LAMB1: variants seen among roughly 807,000 people sequenced by gnomAD.
The protein encoded by LAMB1 is laminin subunit beta-1.
Under a neutral mutation model 222.3 loss-of-function variants are expected in LAMB1, and 121 were observed. That is an observed-to-expected ratio of 0.54 (90% CI 0.47 to 0.63). LAMB1 has a LOEUF of 0.63. LAMB1 is among the 30% of genes least tolerant of loss of function. LAMB1 has a pLI of 0.00. For synonymous variants in LAMB1, 794 were observed against 807.2 expected, an observed-to-expected ratio of 0.98 and a Z score of 0.28; for missense variants, 2,172 against 2,240.8, an observed-to-expected ratio of 0.97 and a Z score of 0.62.
chr7:107,994,929 C>T lies in LAMB1; in HGVS notation c.381G>A (p.Leu127=), dbSNP rs148497999. The change falls in exon 5 of 34, where the codon TTG becomes TTA. Residue 127 remains leucine, a synonymous_variant. Transcript: ENST00000222399. ...GVENVTIQLD[L]EAEFHFTHLI... Reference sequence around the variant, plus strand: ...GATGAGTAAAATGGAATTCTGCTTCCAAATCCAGTTGGATAGTTACATTTT... The same window carrying T: ...GATGAGTAAAATGGAATTCTGCTTCTAAATCCAGTTGGATAGTTACATTTT... 2.5e-6 allele frequency: 4 copies of T among 1,602,850 alleles called. No homozygotes were observed. The African/African-American group carries it at 5.4e-5, about 21-fold the overall frequency.
In LAMB1 at chr7:107,998,625, G is replaced by C. The variant is rs958026326; in HGVS notation, c.214-133C>G. The C allele has an allele frequency of 5.8e-6, 4 of 694,388 alleles. No homozygotes were observed. In the African/African-American group the frequency reaches 7.2e-5, roughly 13 times the overall value. The allele number at this position is 694,388 out of a possible 1,614,324, so 43.0% of individuals were successfully genotyped here. On this transcript the variant is annotated intron_variant, in intron 3 of 33. Transcript: ENST00000222399. ...CAAGAAAAATAATTGTGTGAAAATT[G>C]CTTAGGAGATTTGTATCACATCTTT...
chr7:107,927,638 A>G (rs1473732720), intron 31 of LAMB1, among the ~76,000 whole-genome samples: 1 of 152,218 alleles, frequency 6.6e-6, no homozygotes, highest in Non-Finnish European at 1.5e-5. Context: ...TAATTTCTAC[A>G]GTCACTGACA....
At chr7:107,993,075 C>T (rs1349143868) in intron 5 of LAMB1, among the ~76,000 whole-genome samples, 4 of 152,186 alleles carry the variant, frequency 2.6e-5, no homozygotes, top group Non-Finnish European at 4.4e-5. Flanking sequence ...TGTTGCTTTT[C>T]TCACTGGAGC....
rs1584522139 is a variant in LAMB1, at chr7:107,975,364, G to A, written c.1239C>T (p.Ser413=). Residue 413 remains serine, a synonymous_variant, in exon 11 of 34, where the codon AGC becomes AGT. Transcript: ENST00000222399. ...AGSQNEGICD[S]YTDFSTGLIA... ...TGAGACCAGTAGAAAAATCAGTATA[G>A]CTGTCACAAATTCCCTCATTTTGAG... 6.2e-7 allele frequency: 1 copy of A among 1,613,778 alleles called. No individual in the cohort carries two copies. The highest frequency in any genetic ancestry group is 1.7e-5 in the Admixed American group (1 of 59,954).
intron 2 of LAMB1, chr7:108,001,936 A>G: frequency 6.9e-7 from 1 of 1,456,280 alleles, no homozygotes; most frequent in Admixed American, 2.7e-5. Context: ...AGGACACGGA[A>G]AGAAACCCAC....
At chr7:107,997,477 C>T (rs6951095) in intron 4 of LAMB1, among the ~76,000 whole-genome samples, 1,851 of 152,152 alleles carry the variant, frequency 0.012, 33 homozygotes, top group East Asian at 0.04. Context: ...CTATTAAGGG[C>T]GTTTGTCTTT....
At chr7:107,953,192 A>G (rs532637295) in intron 22 of LAMB1, among the ~76,000 whole-genome samples, 1 of 152,188 alleles carries the variant, frequency 6.6e-6, no homozygotes, top group Non-Finnish European at 1.5e-5. Flanking sequence ...CCCCGTCTCT[A>G]TTAAAAATAC....
chr7:107,926,089 C>G (rs569318370), intron 32 of LAMB1, 94 bp downstream of exon 32: 2 of 880,184 alleles, frequency 2.3e-6, no homozygotes, highest in Non-Finnish European at 3.6e-6. Context: ...AATTCTGTTT[C>G]TGTTAGGTCC....
chr7:107,983,422 A>C (rs74749142), intron 7 of LAMB1, among the ~76,000 whole-genome samples: 4,560 of 152,184 alleles, frequency 0.03, 102 homozygotes, highest in South Asian at 0.075. Flanking sequence ...CCTGTGCAAA[A>C]CCCAAACCAA....
rs116517103 is a variant in LAMB1 at position 107,998,594 on chromosome 7, T to G, written c.214-102A>C. The stretch of plus-strand genomic sequence containing the variant: ...GCTCCTAATACAAAAATCAACCTAT[T>G]AGCTTCAAGAAAAATAATTGTGTGA... On this transcript the variant is annotated intron_variant, in intron 3 of 33. Coordinates refer to ENST00000222399, the MANE Select transcript of LAMB1 (RefSeq NM_002291.3). The G allele has an allele frequency of 2.1e-4, 199 of 934,746 alleles. 1 individual carries two copies. In the African/African-American group the frequency reaches 3.1e-3, roughly 15 times the overall value. 57.9% of individuals were successfully genotyped at this position (934,746 alleles called of 1,614,324 possible). A position where few individuals can be genotyped will look rare whatever the true frequency, so the allele number is the denominator to read the frequency against.
chr7:107,923,895 T>G lies in LAMB1; in HGVS notation c.*56A>C. 6.7e-7 allele frequency: 1 copy of G among 1,497,612 alleles called. No homozygotes were observed. Among genetic ancestry groups the G allele is most frequent in the Non-Finnish European group, 9.1e-7 (1 of 1,104,582 alleles). The allele number at this position is 1,497,612 out of a possible 1,614,324, so 92.8% of individuals were successfully genotyped here. Reference sequence around the variant, plus strand: ...TTATTTTGAAGAGCATTAAGTCAGTTTTTAAAATGTAGTTGTTTTACCTTG... The same window carrying G: ...TTATTTTGAAGAGCATTAAGTCAGTGTTTAAAATGTAGTTGTTTTACCTTG... On this transcript the variant is annotated 3_prime_UTR_variant, in exon 34 of 34. Transcript: ENST00000222399.
chr7:108,001,961 C>T, intron 2 of LAMB1: 1 of 1,452,430 alleles, frequency 6.9e-7, no homozygotes, highest in African/African-American at 1.4e-5. Flanking sequence ...GTCATCAGGT[C>T]TGTCCAGCAG....
chr7:107,979,436 G>T (rs2033930513), intron 8 of LAMB1, among the ~76,000 whole-genome samples: 2 of 152,152 alleles, frequency 1.3e-5, no homozygotes. Context: ...GGAACCCTGG[G>T]GCTGAGTGAG....
chr7:107,965,378 G>A (rs1408603917), intron 13 of LAMB1, among the ~76,000 whole-genome samples: 14 of 152,218 alleles, frequency 9.2e-5, no homozygotes, highest in South Asian at 2.1e-4. Context: ...TTGGGAGTTC[G>A]AGACCAGCCT....
intron 25 of LAMB1, among the ~76,000 whole-genome samples, chr7:107,937,823 C>T (rs1304923135): frequency 6.6e-6 from 1 of 152,208 alleles, no homozygotes; most frequent in Non-Finnish European, 1.5e-5. Context: ...GGGCCTCCTT[C>T]TACCAACAGC....
In LAMB1 at chr7:107,979,569, A is replaced by G. The variant is rs144754403; in HGVS notation, c.879+1040T>C. On this transcript the variant is annotated intron_variant, in intron 8 of 33. Coordinates refer to ENST00000222399, the MANE Select transcript of LAMB1 (RefSeq NM_002291.3). ...CTCATAAGTCCTATCTGGCCTTAAA[A>G]TCCTCTAGGTCTGTAAGAATTCTCC... is the stretch of plus-strand genomic sequence containing the variant. Among the ~76,000 whole-genome samples the G allele has an allele frequency of 7.9e-3, 1,205 of 152,280 alleles. 24 individuals carry two copies. The highest frequency in any genetic ancestry group is 0.027 in the African/African-American group (1,136 of 41,550).
rs2116352321 is a variant in LAMB1 at position 107,939,942 on chromosome 7, A to G, written c.3761+47T>C. On this transcript the variant is annotated intron_variant, in intron 25 of 33. Transcript: ENST00000222399. Reference sequence around the variant, plus strand: ...GAAATCTTTGCTGTTAACTCACAATATTTTTTCAGCTTTATGAGTAATTCC... The same window carrying G: ...GAAATCTTTGCTGTTAACTCACAATGTTTTTTCAGCTTTATGAGTAATTCC... The G allele has an allele frequency of 1.9e-6, 3 of 1,575,342 alleles. 1 individual carries two copies. The highest frequency in any genetic ancestry group is 2.6e-6 in the Non-Finnish European group (3 of 1,157,414).
intron 4 of LAMB1, among the ~76,000 whole-genome samples, chr7:107,997,841 T>C (rs2034309029): frequency 6.6e-6 from 1 of 152,184 alleles, no homozygotes; most frequent in Non-Finnish European, 1.5e-5. Context: ...GGAGGAACCA[T>C]TTGACTTGGG....
intron 5 of LAMB1, among the ~76,000 whole-genome samples, chr7:107,990,535 C>T (rs1057001277): frequency 3.3e-5 from 5 of 151,264 alleles, no homozygotes; most frequent in Admixed American, 6.5e-5. Flanking sequence ...AGTTATTTCA[C>T]TTGACTAACT....
Sources: allele counts gnomAD v4.1 joint callset (sites outside exome capture counted in the v4.1 genomes callset), GRCh38; gene constraint gnomAD v4.1.1; transcripts MANE v1.5; gene names NCBI Gene and HGNC (gene_info 2026-07-23, HGNC 2026-07-21).